Variants in ECT2L observed in about 807,000 individuals in gnomAD.
ECT2L encodes the protein epithelial cell-transforming sequence 2 oncogene-like.
Under a neutral mutation model 122.8 loss-of-function variants are expected in ECT2L, and 126 were observed. The observed-to-expected ratio is 1.03, with a 90% CI of 0.89 to 1.19. ECT2L has a LOEUF of 1.19. ECT2L is among the 50% of genes most tolerant of loss of function. The pLI, the probability that ECT2L is intolerant of heterozygous loss-of-function variation, is 0.00. For missense variants in ECT2L, 1,012 were observed against 1,064.1 expected, an observed-to-expected ratio of 0.95 and a Z score of 0.68; for synonymous variants, 385 against 381.8, an observed-to-expected ratio of 1.01 and a Z score of -0.10.
At chr6:138,845,031 G>A (rs1384732501) in intron 7 of ECT2L, among the ~76,000 whole-genome samples, 2 of 151,920 alleles carry the variant, frequency 1.3e-5, no homozygotes, top group South Asian at 2.1e-4. Flanking sequence ...TGTTTTCTAC[G>A]AAGTAAGAGT....
chr6:138,821,111 G>A (rs1382002752), intron 4 of ECT2L, among the ~76,000 whole-genome samples: 1 of 152,222 alleles, frequency 6.6e-6, no homozygotes, highest in Non-Finnish European at 1.5e-5. Flanking sequence ...TTGAAGGCAG[G>A]AACACAGACC....
intron 1 of ECT2L, among the ~76,000 whole-genome samples, chr6:138,805,433 A>T (rs752981890): frequency 8.5e-5 from 13 of 152,242 alleles, no homozygotes; most frequent in Non-Finnish European, 1.6e-4. Context: ...TCACCAACAC[A>T]TGGCTTTGTC....
At chr6:138,871,306 C>G (rs1003451679) in intron 13 of ECT2L, among the ~76,000 whole-genome samples, 4 of 152,180 alleles carry the variant, frequency 2.6e-5, no homozygotes, top group African/African-American at 9.7e-5. Flanking sequence ...CCATGGAGGG[C>G]TGCTAGGAGT....
At chr6:138,880,164 A>G (rs1213944647) in intron 14 of ECT2L, among the ~76,000 whole-genome samples, 2 of 152,168 alleles carry the variant, frequency 1.3e-5, no homozygotes, top group Non-Finnish European at 2.9e-5. Flanking sequence ...TTAATAATGA[A>G]AAGGTGTCTT....
At chr6:138,857,880 G>C (rs542544511) in intron 10 of ECT2L, among the ~76,000 whole-genome samples, 2 of 152,156 alleles carry the variant, frequency 1.3e-5, no homozygotes, top group Admixed American at 1.3e-4. Flanking sequence ...AAAGGAAACA[G>C]GTTTACTTGA....
intron 1 of ECT2L, among the ~76,000 whole-genome samples, chr6:138,802,830 A>C (rs1775587842): frequency 6.6e-6 from 1 of 152,110 alleles, no homozygotes. Flanking sequence ...TAATCCCAGC[A>C]CTTTGGGAGG....
intron 1 of ECT2L, among the ~76,000 whole-genome samples, chr6:138,800,289 A>T (rs747712495): frequency 1.3e-5 from 2 of 152,214 alleles, no homozygotes; most frequent in African/African-American, 4.8e-5. Context: ...GAAGAACAAG[A>T]TCATTCTTAA....
At chr6:138,893,157 C>T (rs1392656626) in intron 20 of ECT2L, among the ~76,000 whole-genome samples, 5 of 150,016 alleles carry the variant, frequency 3.3e-5, no homozygotes, top group South Asian at 2.1e-4. Context: ...TTCACAAGTG[C>T]TTCTCAGTTT....
chr6:138,868,290 C>T, intron 13 of ECT2L, 84 bp downstream of exon 13: 1 of 1,186,392 alleles, frequency 8.4e-7, no homozygotes, highest in Non-Finnish European at 1.2e-6. Context: ...TTTTTTTGAC[C>T]AGTTTATCCC....
In ECT2L at chr6:138,847,355, C is replaced by CTTTTTTT. The variant is rs1170631663; in HGVS notation, c.903+705_903+711dup. ...TTTGAAAAAGCATTAAAGGCCCAAA[C>CTTTTTTT]TTTTTTTTTTTTTTTTTTTTTTTTT... On this transcript the variant is annotated intron_variant, in intron 8 of 21. Transcript: ENST00000541398. Among the ~76,000 whole-genome samples the CTTTTTTT allele has an allele frequency of 2.2e-3, 122 of 54,956 alleles. 30 individuals are homozygous for CTTTTTTT. The highest frequency in any genetic ancestry group is 6.8e-3 in the African/African-American group (84 of 12,288). The allele number at this position is 54,956 out of a possible 152,430, so 36.1% of individuals were successfully genotyped here.
chr6:138,874,174 G>A (rs1190512497), intron 13 of ECT2L, among the ~76,000 whole-genome samples: 2 of 152,024 alleles, frequency 1.3e-5, no homozygotes, highest in Non-Finnish European at 2.9e-5. Flanking sequence ...CTGGAAAATA[G>A]TGTCTGCCCA....
chr6:138,836,572 G>C (rs1488554352), intron 4 of ECT2L, among the ~76,000 whole-genome samples: 2 of 152,038 alleles, frequency 1.3e-5, no homozygotes, highest in Non-Finnish European at 2.9e-5. Context: ...ACAGGCGTGA[G>C]CCACTCATTG....
chr6:138,819,542 CT>C (rs35219429), intron 4 of ECT2L, among the ~76,000 whole-genome samples: 32,573 of 151,930 alleles, frequency 0.21, 3,974 homozygotes, highest in Middle Eastern at 0.29. Context: ...TTTGGTGACT[CT>C]TTTCATCTCT....
In ECT2L at chr6:138,885,726, C is replaced by T. The variant is rs1778799107; in HGVS notation, c.2155C>T (p.Leu719Phe). 1 of 1,614,204 alleles carries T rather than the reference C, an allele frequency of 6.2e-7. No individual in the cohort carries two copies. The change falls in exon 18 of 22, where the codon CTT (leucine) becomes TTT (phenylalanine). Residue 719 changes from leucine (L) to phenylalanine (F), a missense_variant. Transcript: ENST00000541398. ...PSRRFEEYLN[L>F]LYAVRLHTPA... ...CCGAAGATTTGAAGAATACCTTAAT[C>T]TTCTCTACGCTGTCAGGCTTCATAC...
intron 4 of ECT2L, among the ~76,000 whole-genome samples, chr6:138,836,502 G>A (rs1776845705): frequency 6.6e-6 from 1 of 151,800 alleles, no homozygotes; most frequent in Non-Finnish European, 1.5e-5. Flanking sequence ...TGGCCAGGCT[G>A]GTTTCAAACT....
intron 5 of ECT2L, among the ~76,000 whole-genome samples, chr6:138,842,112 C>T (rs547125813): frequency 2.8e-4 from 42 of 152,274 alleles, no homozygotes; most frequent in African/African-American, 8.7e-4. Flanking sequence ...GAACAAGATA[C>T]GCTTCTTATT....
intron 6 of ECT2L, among the ~76,000 whole-genome samples, chr6:138,843,702 T>C (rs527989889): frequency 6.6e-6 from 1 of 152,230 alleles, no homozygotes; most frequent in South Asian, 2.1e-4. Flanking sequence ...TATTTATTTA[T>C]TTTATTTTTG....
intron 20 of ECT2L, among the ~76,000 whole-genome samples, chr6:138,892,150 T>C (rs952642966): frequency 6.6e-6 from 1 of 152,168 alleles, no homozygotes; most frequent in Non-Finnish European, 1.5e-5. Context: ...CCCTACTTTG[T>C]CCCTGGTCTT....
chr6:138,869,620 C>T (rs1039644130), intron 13 of ECT2L, among the ~76,000 whole-genome samples: 5 of 152,158 alleles, frequency 3.3e-5, no homozygotes, highest in African/African-American at 1.2e-4. Flanking sequence ...TCACTGTCTG[C>T]CAAAACACTG....
Sources: gnomAD v4.1 joint callset for allele counts (sites outside exome capture counted in the v4.1 genomes callset) on GRCh38, gnomAD v4.1.1 for gene constraint, MANE v1.5 for transcripts, NCBI Gene and HGNC (gene_info 2026-07-23, HGNC 2026-07-21) for gene names.